Variants in PAX3 observed in about 807,000 individuals in gnomAD.
The protein encoded by PAX3 is paired box 3.
PAX3 carries 14 observed loss-of-function variants against 51.6 expected under a neutral mutation model. That is an observed-to-expected ratio of 0.27 (90% CI 0.18 to 0.42). The LOEUF is 0.42. Among genes scored for constraint, PAX3 ranks in the 10% least tolerant of loss-of-function variants. The pLI is 1.00. For missense variants in PAX3, 540 were observed against 642.8 expected, an observed-to-expected ratio of 0.84 and a Z score of 1.73; for synonymous variants, 280 against 253.4, an observed-to-expected ratio of 1.11 and a Z score of -1.00.
intron 4 of PAX3, among the ~76,000 whole-genome samples, chr2:222,240,332 C>T (rs1227297728): frequency 6.6e-6 from 1 of 152,106 alleles, no homozygotes; most frequent in Non-Finnish European, 1.5e-5. Flanking sequence ...GCTGCGCAGC[C>T]CCAAAGCCCC....
chr2:222,294,334 C>T (rs1001086529), intron 3 of PAX3, 33 bp from the exon 4 acceptor site: 1 of 1,612,552 alleles, frequency 6.2e-7, no homozygotes, highest in Non-Finnish European at 8.5e-7. Context: ...AGCAAGGGAG[C>T]GCACATGGTT....
At chr2:222,294,031 A>G (rs28945094) in intron 4 of PAX3, 136 bp downstream of exon 4, 16,637 of 1,554,610 alleles carry the variant, frequency 0.011, 98 homozygotes, top group Non-Finnish European at 0.013. Flanking sequence ...CCATGTCGTT[A>G]CTCAGGCGCA....
chr2:222,269,575 T>A (rs549779343), intron 4 of PAX3, among the ~76,000 whole-genome samples: 17 of 151,804 alleles, frequency 1.1e-4, no homozygotes, highest in African/African-American at 3.9e-4. Context: ...CAAATTTTTT[T>A]AAAAGTCTAC....
chr2:222,208,373 G>T (rs900950993), intron 7 of PAX3, among the ~76,000 whole-genome samples: 1 of 152,062 alleles, frequency 6.6e-6, no homozygotes, highest in Non-Finnish European at 1.5e-5. Flanking sequence ...CATATTAAGA[G>T]GGACTGACAG....
chr2:222,228,755 C>T (rs1168087260), intron 5 of PAX3, among the ~76,000 whole-genome samples: 1 of 152,004 alleles, frequency 6.6e-6, no homozygotes, highest in Non-Finnish European at 1.5e-5. Context: ...AGCAACATAG[C>T]AAGACCCCAG....
At position 222,209,587 on chromosome 2, in the gene PAX3, C is replaced by T. The variant is rs555853209; in HGVS notation, c.1174-7397G>A. 3.3e-5 allele frequency among the ~76,000 whole-genome samples: 5 copies of T among 151,244 alleles called. No homozygotes were observed. In the East Asian group the frequency reaches 5.9e-4, roughly 18 times the overall value. On this transcript the variant is annotated intron_variant, in intron 7 of 8. Coordinates refer to ENST00000392070, the MANE Select transcript of PAX3 (RefSeq NM_181458.4). ...AAAATTCATGGAATTTGGCCAGATG[C>T]GGTGGCTCATGCCTGTAATCTCAGC...
At chr2:222,280,737 A>G (rs1022996686) in intron 4 of PAX3, among the ~76,000 whole-genome samples, 1 of 152,216 alleles carries the variant, frequency 6.6e-6, no homozygotes, top group African/African-American at 2.4e-5. Flanking sequence ...TTTACTGAGA[A>G]GCCCAGAAAC....
chr2:222,262,540 G>T (rs953450165), intron 4 of PAX3: 1 of 151,408 alleles, frequency 6.6e-6, no homozygotes. Context: ...ATCACTCTTT[G>T]ATTTCTAAAA....
intron 4 of PAX3, 70 bp downstream of exon 4, chr2:222,294,097 C>A: frequency 6.2e-7 from 1 of 1,606,130 alleles, no homozygotes; most frequent in South Asian, 1.1e-5. Context: ...GCCGTCAGAT[C>A]ACCAATGTCA....
At chr2:222,204,142 T>C (rs1351881708) in intron 7 of PAX3, among the ~76,000 whole-genome samples, 2 of 152,108 alleles carry the variant, frequency 1.3e-5, no homozygotes, top group Admixed American at 6.6e-5. Context: ...AGAGCCCAAT[T>C]TTGTTTTATT....
chr2:222,293,883 C>A (rs940246978), intron 4 of PAX3: 19 of 1,604,354 alleles, frequency 1.2e-5, no homozygotes, highest in Non-Finnish European at 1.5e-5. Flanking sequence ...TCCCCTGCCC[C>A]CTACAACAGA....
At chr2:222,296,894 T>A (rs1695326989) in intron 2 of PAX3, 84 bp downstream of exon 2, 11 of 1,104,714 alleles carry the variant, frequency 1.0e-5, no homozygotes, top group Middle Eastern at 2.6e-4. Context: ...GAGCCCCAGA[T>A]GTCAGCCGTT....
chr2:222,205,770 T>C (rs1179721539), intron 7 of PAX3, among the ~76,000 whole-genome samples: 3 of 152,152 alleles, frequency 2.0e-5, no homozygotes, highest in Non-Finnish European at 2.9e-5. Flanking sequence ...TACTCTCCCC[T>C]CACATAATTT....
At position 222,293,884 on chromosome 2, in the gene PAX3, C is replaced by T. The variant is rs1037240041; in HGVS notation, c.586+283G>A. 5 of 1,603,740 alleles carry T rather than the reference C, an allele frequency of 3.1e-6. No individual in the cohort carries two copies. In the South Asian group the frequency reaches 3.3e-5, roughly 11 times the overall value. On this transcript the variant is annotated intron_variant, in intron 4 of 8. Coordinates refer to ENST00000392070, the MANE Select transcript of PAX3 (RefSeq NM_181458.4). Reference sequence around the variant, plus strand: ...ACAGAGTGAGAGCTTCCCCTGCCCCCTACAACAGAGCACAATTCACAGTTC... The same window carrying T: ...ACAGAGTGAGAGCTTCCCCTGCCCCTTACAACAGAGCACAATTCACAGTTC...
intron 4 of PAX3, among the ~76,000 whole-genome samples, chr2:222,258,221 G>C (rs1046774932): frequency 6.6e-6 from 1 of 152,144 alleles, no homozygotes. Flanking sequence ...ATTTGTCTGC[G>C]TAAAGGAAGC....
intron 4 of PAX3, among the ~76,000 whole-genome samples, chr2:222,265,887 A>T (rs181895186): frequency 6.6e-6 from 1 of 152,222 alleles, no homozygotes; most frequent in Non-Finnish European, 1.5e-5. Flanking sequence ...CTCTTAATCA[A>T]CCAGTCAGCA....
At chr2:222,212,830 G>A (rs1691797655) in intron 7 of PAX3, among the ~76,000 whole-genome samples, 1 of 152,158 alleles carries the variant, frequency 6.6e-6, no homozygotes. Flanking sequence ...CATATAAAGG[G>A]TTGATTCAGG....
At chr2:222,294,588 A>G (rs1695187781) in intron 3 of PAX3, among the ~76,000 whole-genome samples, 1 of 151,784 alleles carries the variant, frequency 6.6e-6, no homozygotes. Flanking sequence ...TTGTCCCTCG[A>G]TTCTGGGCAG....
At chr2:222,286,064 A>G (rs983135307) in intron 4 of PAX3, among the ~76,000 whole-genome samples, 7 of 152,192 alleles carry the variant, frequency 4.6e-5, no homozygotes, top group Admixed American at 3.9e-4. Context: ...CAGTCCCCCA[A>G]GTAGCTGGGG....
Sources: gnomAD v4.1 joint callset for allele counts (sites outside exome capture counted in the v4.1 genomes callset) on GRCh38, gnomAD v4.1.1 for gene constraint, MANE v1.5 for transcripts, NCBI Gene and HGNC (gene_info 2026-07-23, HGNC 2026-07-21) for gene names.